Variants in ZNF587 observed in about 807,000 individuals in gnomAD.
ZNF587 encodes the protein zinc finger protein zfp6.
ZNF587 carries 8 observed loss-of-function variants against 7.5 expected under a neutral mutation model. The observed-to-expected ratio is 1.06, with a 90% CI of 0.62 to 1.92. ZNF587 has a LOEUF of 1.92. Among genes scored for constraint, ZNF587 ranks in the 40% most tolerant of loss-of-function variants. ZNF587 has a pLI of 0.00. For missense variants in ZNF587, 468 were observed against 692.8 expected (o/e 0.68, Z 3.64); for synonymous variants, 145 against 237.8 (o/e 0.61, Z 3.59).
At position 57,862,411 on chromosome 19, in the gene ZNF587, T is replaced by C. The variant is rs930414795; in HGVS notation, c.*2271T>C. The C allele has an allele frequency of 7.9e-5, 12 of 152,200 alleles. No individual in the cohort carries two copies. Among genetic ancestry groups the C allele is most frequent in the African/African-American group, 2.9e-4 (12 of 41,440 alleles). The allele number at this position is 152,200 out of a possible 1,614,324, so 9.4% of individuals were successfully genotyped here. ...CATTGAGATTTATGTGTTCTGAGGC[T>C]TTTGTCTTCTAGCTACTTACTTCAT... On this transcript the variant is annotated 3_prime_UTR_variant, in exon 3 of 3. Transcript: ENST00000339656.
chr19:57,855,395 G>A (rs1299110926), intron 1 of ZNF587, among the ~76,000 whole-genome samples: 2 of 152,202 alleles, frequency 1.3e-5, no homozygotes, highest in Middle Eastern at 3.4e-3. Flanking sequence ...CCAGAGAGGG[G>A]CTGAAGGTTG....
intron 1 of ZNF587, chr19:57,850,635 T>C: frequency 2.5e-6 from 1 of 399,356 alleles, no homozygotes; most frequent in Admixed American, 4.4e-5. Context: ...ATACCCCGAG[T>C]CCTGCGGAGA....
intron 1 of ZNF587, chr19:57,850,872 T>C: frequency 3.7e-6 from 1 of 267,844 alleles, no homozygotes; most frequent in Non-Finnish European, 7.0e-6. Context: ...CACTGGCCGT[T>C]TCTGTGAATT....
rs148085802 is a variant in ZNF587, at chr19:57,852,601, C to T, written c.33+2530C>T. Among the ~76,000 whole-genome samples the T allele has an allele frequency of 5.0e-3, 758 of 151,662 alleles. 14 individuals are homozygous for T. Among genetic ancestry groups the T allele is most frequent in the African/African-American group, 0.017 (711 of 41,166 alleles). On this transcript the variant is annotated intron_variant, in intron 1 of 2. Coordinates refer to ENST00000339656, the MANE Select transcript of ZNF587 (RefSeq NM_032828.4). ...GAGTGCAATGGCGCAATCTTGGGCT[C>T]ACTGGAGCCTCTGCCTCCCAGGTTC...
At chr19:57,850,107 C>G in intron 1 of ZNF587, 36 bp downstream of exon 1, 1 of 1,614,220 alleles carries the variant, frequency 6.2e-7, no homozygotes, top group Non-Finnish European at 8.5e-7. Flanking sequence ...CAGGTCACCC[C>G]ATCGTCACCC....
rs569740754 is a variant in ZNF587 at position 57,849,873 on chromosome 19, A to G, written c.-166A>G. The stretch of plus-strand genomic sequence containing the variant: ...CCGGGGTCTCTAGTAGCGGCTGTGT[A>G]TCGGCGATGCGGGTGTTTCCCCAGT... On this transcript the variant is annotated 5_prime_UTR_variant, in exon 1 of 3. Transcript: ENST00000339656. The G allele has an allele frequency of 5.3e-6, 8 of 1,497,220 alleles. No homozygotes were observed. The highest frequency in any genetic ancestry group is 4.9e-5 in the East Asian group (2 of 41,214). The allele number at this position is 1,497,220 out of a possible 1,614,324, so 92.7% of individuals were successfully genotyped here.
chr19:57,851,246 C>G (rs1186500078), intron 1 of ZNF587: 4 of 152,154 alleles, frequency 2.6e-5, no homozygotes, highest in African/African-American at 4.8e-5. Context: ...TGCATGACCC[C>G]TAAACCGTAA....
chr19:57,853,076 C>G (rs1490039230), intron 1 of ZNF587, among the ~76,000 whole-genome samples: 1 of 152,056 alleles, frequency 6.6e-6, no homozygotes, highest in Non-Finnish European at 1.5e-5. Flanking sequence ...TAGTCTCAAA[C>G]TCCTGACCTC....
At chr19:57,850,169 A>C in intron 1 of ZNF587, 98 bp downstream of exon 1, 1 of 1,609,826 alleles carries the variant, frequency 6.2e-7, no homozygotes, top group East Asian at 2.2e-5. Context: ...TGTAGCCGGT[A>C]CCCGGCGTAG....
chr19:57,859,759 T>G lies in ZNF587; in HGVS notation c.1347T>G (p.Tyr449Ter). The change falls in exon 3 of 3, where the codon TAT becomes TAG. Residue 449 changes from tyrosine to a stop codon, truncating the protein, a stop_gained. Transcript: ENST00000339656. LOFTEE classifies it low-confidence loss of function (END_TRUNC). ...RECGKLFNRK[Y>*]HLLVHERVHT... is the part of the protein sequence containing the mutation. ...GTGGGAAATTATTTAACAGGAAGTATCATCTTCTGGTTCATGAGAGAGTTC... is the reference window on the plus strand; with the variant it reads ...GTGGGAAATTATTTAACAGGAAGTAGCATCTTCTGGTTCATGAGAGAGTTC... 1 of 1,613,056 alleles carries G rather than the reference T, an allele frequency of 6.2e-7. No individual in the cohort carries two copies. The highest frequency in any genetic ancestry group is 8.5e-7 in the Non-Finnish European group (1 of 1,179,768).
At chr19:57,855,886 C>G in intron 1 of ZNF587, 1 of 751,902 alleles carries the variant, frequency 1.3e-6, no homozygotes, top group Non-Finnish European at 2.1e-6. Context: ...CTTTTTATGT[C>G]AGGACCTCAG....
At position 57,849,963 on chromosome 19, in the gene ZNF587, C is replaced by G. The variant is rs2071257714; in HGVS notation, c.-76C>G. 6.2e-7 allele frequency: 1 copy of G among 1,613,338 alleles called. No homozygotes were observed. The highest frequency in any genetic ancestry group is 8.5e-7 in the Non-Finnish European group (1 of 1,179,794). ...ACCTAGAAGGTGGAGAGGAATCGTC[C>G]TCGGTGCCCAGAGGCGGCTCTGCAG... On this transcript the variant is annotated 5_prime_UTR_variant, in exon 1 of 3. Coordinates refer to ENST00000339656, the MANE Select transcript of ZNF587 (RefSeq NM_032828.4).
intron 2 of ZNF587, among the ~76,000 whole-genome samples, chr19:57,857,592 ATGTATATATATGTGTGTATG>A (rs887394292): frequency 9.9e-5 from 15 of 151,302 alleles, no homozygotes; most frequent in Non-Finnish European, 1.2e-4. Flanking sequence ...ATATATATAG[ATGTATATATATGTGTGTATG>A]TGTATATATA....
At chr19:57,855,208 AGTG>A (rs926912643) in intron 1 of ZNF587, among the ~76,000 whole-genome samples, 4 of 151,274 alleles carry the variant, frequency 2.6e-5, no homozygotes, top group Admixed American at 2.6e-4. Context: ...AGCCGAGTGT[AGTG>A]GTACATGGCT....
Position 57,860,065 on chromosome 19 carries a change from C to T in ZNF587, c.1653C>T (p.Thr551=). ...CTGGAGAAAGGCCTTATGAATGCAC[C>T]AAATGTGGAAAAACATTTCAGCGAA... ...IHTGERPYEC[T]KCGKTFQRSS... Residue 551 remains threonine, a synonymous_variant, in exon 3 of 3, where the codon ACC becomes ACT. Transcript: ENST00000339656. 4 of 1,613,310 alleles carry T rather than the reference C, an allele frequency of 2.5e-6. No individual in the cohort carries two copies. Among genetic ancestry groups the T allele is most frequent in the Non-Finnish European group, 3.4e-6 (4 of 1,179,434 alleles).
At chr19:57,851,003 GAT>G (rs2071274422) in intron 1 of ZNF587, 1 of 153,398 alleles carries the variant, frequency 6.5e-6, no homozygotes, top group Non-Finnish European at 1.5e-5. Context: ...AAGGGAGTGT[GAT>G]CTCCCTGAGC....
At chr19:57,855,302 G>A (rs571895272) in intron 1 of ZNF587, among the ~76,000 whole-genome samples, 17 of 152,226 alleles carry the variant, frequency 1.1e-4, no homozygotes, top group African/African-American at 4.1e-4. Context: ...CCATGATTGT[G>A]TTCCTGCACT....
At chr19:57,855,930 GC>G (rs2071349502) in intron 1 of ZNF587, 173 bp from the exon 2 acceptor site, 1 of 1,128,458 alleles carries the variant, frequency 8.9e-7, no homozygotes, top group Admixed American at 2.6e-5. Flanking sequence ...ACTTCTTGTT[GC>G]TGATGGCATT....
intron 1 of ZNF587, among the ~76,000 whole-genome samples, chr19:57,855,557 CTTTT>C (rs1025898932): frequency 1.4e-5 from 2 of 144,796 alleles, no homozygotes; most frequent in African/African-American, 5.3e-5. Flanking sequence ...GGGGTGTGGG[CTTTT>C]TTTGTTTTTT....
Sources: gnomAD v4.1 joint callset for allele counts (sites outside exome capture counted in the v4.1 genomes callset) on GRCh38, gnomAD v4.1.1 for gene constraint, MANE v1.5 for transcripts, NCBI Gene and HGNC (gene_info 2026-07-23, HGNC 2026-07-21) for gene names.